CTIF: variants seen among roughly 807,000 people sequenced by gnomAD.
CTIF encodes cap binding complex dependent translation initiation factor.
Under a neutral mutation model 66.0 loss-of-function variants are expected in CTIF, and 21 were observed. The ratio of observed to expected loss-of-function variants is 0.32; its 90% CI spans 0.23 to 0.46. The LOEUF is 0.46. CTIF is among the 20% of genes least tolerant of loss of function. The probability of loss-of-function intolerance (pLI) is 1.00; values close to 1 mark genes in which losing one functional copy is unlikely to be tolerated. For synonymous variants in CTIF, 345 were observed against 326.4 expected (o/e 1.06, Z -0.62); for missense variants, 739 against 812.7 (o/e 0.91, Z 1.10).
At chr18:48,617,094 T>C (rs2090413848) in intron 1 of CTIF, among the ~76,000 whole-genome samples, 1 of 152,236 alleles carries the variant, frequency 6.6e-6, no homozygotes, top group African/African-American at 2.4e-5. Flanking sequence ...AAAAGTCTGC[T>C]TCCAGGCTCA....
chr18:48,581,762 G>A (rs756532525), intron 1 of CTIF, among the ~76,000 whole-genome samples: 26 of 152,290 alleles, frequency 1.7e-4, no homozygotes, highest in Admixed American at 8.5e-4. Context: ...GCTTATACAC[G>A]TGGCACCAGG....
intron 1 of CTIF, among the ~76,000 whole-genome samples, chr18:48,589,081 C>T (rs773505363): frequency 6.6e-6 from 1 of 152,172 alleles, no homozygotes. Context: ...GGGGCAAATG[C>T]TGGGTCACGT....
intron 2 of CTIF, among the ~76,000 whole-genome samples, chr18:48,620,065 A>G (rs2090465957): frequency 6.6e-6 from 1 of 152,218 alleles, no homozygotes; most frequent in Non-Finnish European, 1.5e-5. Context: ...TGTCCTCAAT[A>G]AGCTTATGTT....
In CTIF at chr18:48,765,310, C is replaced by T. The variant is rs544616693; in HGVS notation, c.1371+3621C>T. On this transcript the variant is annotated intron_variant, in intron 9 of 11. Coordinates refer to ENST00000256413, the MANE Select transcript of CTIF (RefSeq NM_014772.3). ...ATCCACTCAAGGCCCATCTGGCTCT[C>T]GGTCCCCAACCAGCACCTGGTTGGG... 2.6e-5 allele frequency among the ~76,000 whole-genome samples: 4 copies of T among 152,268 alleles called. No individual in the cohort carries two copies. The East Asian group carries it at 5.8e-4, about 22-fold the overall frequency.
chr18:48,553,816 C>A (rs377726961), intron 1 of CTIF, among the ~76,000 whole-genome samples: 2 of 132,120 alleles, frequency 1.5e-5, no homozygotes, highest in African/African-American at 2.5e-5. Flanking sequence ...CCACCATGCC[C>A]GGCTAATTTT....
intron 1 of CTIF, among the ~76,000 whole-genome samples, chr18:48,589,093 G>A (rs938810348): frequency 3.9e-5 from 6 of 152,186 alleles, no homozygotes; most frequent in Non-Finnish European, 7.3e-5. Context: ...GGGTCACGTC[G>A]TTGGAGGTTT....
At chr18:48,847,906 C>T (rs1485934454) in intron 10 of CTIF, among the ~76,000 whole-genome samples, 1 of 152,216 alleles carries the variant, frequency 6.6e-6, no homozygotes, top group African/African-American at 2.4e-5. Flanking sequence ...GAGACCTAGA[C>T]ATAATTGGCC....
intron 1 of CTIF, among the ~76,000 whole-genome samples, chr18:48,603,264 G>C (rs1353795633): frequency 6.6e-6 from 1 of 150,664 alleles, no homozygotes. Flanking sequence ...ATGGATGGAT[G>C]CAGGGCAGGT....
rs1002031178 is a variant in CTIF, at chr18:48,673,660, A to G, written c.507+2916A>G. 11 of 152,178 alleles carry G rather than the reference A, an allele frequency of 7.2e-5. No homozygotes were observed. In the East Asian group the frequency reaches 1.9e-3, roughly 27 times the overall value. 9.4% of individuals were successfully genotyped at this position (152,178 alleles called of 1,614,324 possible). ...TTCTGTGGCCCTGCCATCTCAATCCATGGTATCCAAGTGGCCCTGGCACAG... is the reference window on the plus strand; with the variant it reads ...TTCTGTGGCCCTGCCATCTCAATCCGTGGTATCCAAGTGGCCCTGGCACAG... On this transcript the variant is annotated intron_variant, in intron 6 of 11. Coordinates refer to ENST00000256413, the MANE Select transcript of CTIF (RefSeq NM_014772.3).
chr18:48,818,940 G>A (rs1222500744), intron 10 of CTIF, among the ~76,000 whole-genome samples: 2 of 152,140 alleles, frequency 1.3e-5, no homozygotes, highest in African/African-American at 4.8e-5. Context: ...GAGAGCTGTG[G>A]GGTCAAGGGG....
chr18:48,665,072 G>A (rs35796229), intron 5 of CTIF, among the ~76,000 whole-genome samples: 5,417 of 151,532 alleles, frequency 0.036, 131 homozygotes, highest in Middle Eastern at 0.11. Context: ...CCGCCACCGC[G>A]CCCGGCTAAT....
At chr18:48,679,270 A>T (rs1270710548) in intron 6 of CTIF, among the ~76,000 whole-genome samples, 1 of 152,220 alleles carries the variant, frequency 6.6e-6, no homozygotes, top group Non-Finnish European at 1.5e-5. Flanking sequence ...ATACCTGTTC[A>T]ACTTACGTTG....
chr18:48,580,411 C>T (rs1043671703), intron 1 of CTIF, among the ~76,000 whole-genome samples: 5 of 152,182 alleles, frequency 3.3e-5, no homozygotes, highest in Admixed American at 2.6e-4. Flanking sequence ...GAATTTAGTA[C>T]TGAAGAATGA....
intron 3 of CTIF, among the ~76,000 whole-genome samples, chr18:48,656,480 GTCA>G (rs2144825326): frequency 6.6e-6 from 1 of 152,318 alleles, no homozygotes; most frequent in Admixed American, 6.5e-5. Context: ...ATCTCCTATT[GTCA>G]TCATCTTTAT....
At chr18:48,715,037 C>A (rs575645632) in intron 7 of CTIF, among the ~76,000 whole-genome samples, 5 of 152,274 alleles carry the variant, frequency 3.3e-5, no homozygotes, top group African/African-American at 1.2e-4. Flanking sequence ...GCAGCAAACC[C>A]GGAAAGCCTT....
At position 48,829,976 on chromosome 18, in the gene CTIF, G is replaced by C. The variant is rs150883185; in HGVS notation, c.1527+12600G>C. ...TCTTGATGGCTCTGCTCTCATTGCC[G>C]CCAGCACTGAACTGTAGGTCAGAGT... On this transcript the variant is annotated intron_variant, in intron 10 of 11. Transcript: ENST00000256413. Among the ~76,000 whole-genome samples, 574 of 152,254 alleles carry C rather than the reference G, an allele frequency of 3.8e-3. 2 individuals carry two copies. The highest frequency in any genetic ancestry group is 3.7e-3 in the Non-Finnish European group (250 of 68,022).
chr18:48,613,961 A>C (rs2090353466), intron 1 of CTIF, among the ~76,000 whole-genome samples: 1 of 152,122 alleles, frequency 6.6e-6, no homozygotes, highest in Non-Finnish European at 1.5e-5. Context: ...CTTGCCTTTT[A>C]GTTCCTCCTC....
chr18:48,655,319 A>T (rs2091229110), intron 3 of CTIF, among the ~76,000 whole-genome samples: 1 of 142,554 alleles, frequency 7.0e-6, no homozygotes, highest in South Asian at 2.2e-4. Context: ...AAAAAAAAAA[A>T]AGAAGAATAA....
intron 7 of CTIF, among the ~76,000 whole-genome samples, chr18:48,739,527 C>T (rs578040647): frequency 3.3e-4 from 50 of 152,318 alleles, no homozygotes; most frequent in African/African-American, 1.2e-3. Flanking sequence ...GGCCTGTGGA[C>T]GAACCTCTCT....
Sources: gnomAD v4.1 joint callset for allele counts (sites outside exome capture counted in the v4.1 genomes callset) on GRCh38, gnomAD v4.1.1 for gene constraint, MANE v1.5 for transcripts, NCBI Gene and HGNC (gene_info 2026-07-23, HGNC 2026-07-21) for gene names.